Variants in GRIN3B observed in about 807,000 individuals in gnomAD.
GRIN3B encodes glutamate ionotropic receptor NMDA type subunit 3B.
A neutral mutation model predicts 66.0 loss-of-function variants in GRIN3B; 77 were observed. That is an observed-to-expected ratio of 1.17 (90% confidence interval 0.97 to 1.41). The LOEUF is 1.41. Among genes scored for constraint, GRIN3B ranks in the 40% most tolerant of loss-of-function variants. The pLI is 0.00. For missense variants in GRIN3B, 1,787 were observed against 1,564.5 expected (o/e 1.14, Z -2.40); for synonymous variants, 823 against 749.7 (o/e 1.10, Z -1.60).
chr19:1,008,870 C>G lies in GRIN3B; in HGVS notation c.2645C>G (p.Ala882Gly), dbSNP rs1339083576. Residue 882 changes from alanine (A) to glycine (G), a missense_variant, in exon 8 of 9, where the codon GCC becomes GGC. Coordinates refer to ENST00000234389, the MANE Select transcript of GRIN3B (RefSeq NM_138690.3). ...CTGGGGTCTTAGAAAATCCACCGCG[C>G]CCTCAACACGGAGCCACCAGAGGGG... Reference protein sequence around the residue: ...WLHTSQKIHRALNTEPPEGSK... With the variant: ...WLHTSQKIHRGLNTEPPEGSK... The G allele has an allele frequency of 6.2e-7, 1 of 1,610,248 alleles. No homozygotes were observed. The highest frequency in any genetic ancestry group is 2.2e-5 in the East Asian group (1 of 44,724).
At position 1,005,624 on chromosome 19, in the gene GRIN3B, C is replaced by A; in HGVS notation, c.2052+71C>A. On this transcript the variant is annotated intron_variant, in intron 3 of 8. Transcript: ENST00000234389. The surrounding 1 kb of genome is among the most constrained non-coding windows in gnomAD (Gnocchi z 5.2). ...TGGCCCCGGGCTGGGCTGTGTGGGG[C>A]AGGGGTGGTCAGCTGGACGTGGAGG... 2 of 1,244,934 alleles carry A rather than the reference C, an allele frequency of 1.6e-6. No homozygotes were observed. Among genetic ancestry groups the A allele is most frequent in the Non-Finnish European group, 2.2e-6 (2 of 912,762 alleles). 77.1% of individuals were successfully genotyped at this position (1,244,934 alleles called of 1,614,324 possible).
chr19:1,003,723 G>A lies in GRIN3B; in HGVS notation c.1019+1G>A, dbSNP rs1031769133. On this transcript the variant is annotated splice_donor_variant, in intron 2 of 8. Coordinates refer to ENST00000234389, the MANE Select transcript of GRIN3B (RefSeq NM_138690.3). LOFTEE classifies it high-confidence loss of function. ...AGTCCCCGGGGCGCTTCTTGGCACG[G>A]TGAGTGGGGACCCTGCTTCCCTTAG... The A allele has an allele frequency of 1.5e-5, 21 of 1,400,268 alleles. No individual in the cohort carries two copies. The African/African-American group carries it at 3.2e-4, about 21-fold the overall frequency. The allele number at this position is 1,400,268 out of a possible 1,614,324, so 86.7% of individuals were successfully genotyped here.
Position 1,007,894 on chromosome 19 carries a change from A to G in GRIN3B, c.2237A>G (p.Lys746Arg), listed in dbSNP as rs1229999834. The G allele has an allele frequency of 4.3e-6, 7 of 1,611,556 alleles. No homozygotes were observed. The highest frequency in any genetic ancestry group is 3.3e-5 in the Admixed American group (2 of 59,962). The change falls in exon 5 of 9, where the codon AAG becomes AGG. Residue 746 changes from lysine (K) to arginine (R), a missense_variant. By Grantham distance (26) the Lys-to-Arg change is conservative (BLOSUM62 2). Transcript: ENST00000234389. This position sits in a 1 kb window ranked among gnomAD's most constrained non-coding sequence, Gnocchi z 4.4. ...PPKLNAFIMD[K>R]SLLDYEVSID... ...AAGCTCAACGCCTTCATCATGGACA[A>G]GTCGCTCCTGGACTACGAGGTCTCC...
rs75206750 is a variant in GRIN3B at position 1,008,476 on chromosome 19, C to A, written c.2467-142C>A. 1,582 of 1,084,808 alleles carry A rather than the reference C, an allele frequency of 1.5e-3. 24 individuals are homozygous for A. The East Asian group carries it at 0.034, about 23-fold the overall frequency. 67.2% of individuals were successfully genotyped at this position (1,084,808 alleles called of 1,614,324 possible). On this transcript the variant is annotated intron_variant, in intron 6 of 8. Transcript: ENST00000234389. Reference sequence around the variant, plus strand: ...TTCCTCCATGAAACCTCACTCCCCCCAGCCATGGAGTCCCTGCCTCCCAAC... The same window carrying A: ...TTCCTCCATGAAACCTCACTCCCCCAAGCCATGGAGTCCCTGCCTCCCAAC...
Position 1,004,622 on chromosome 19 carries a change from G to T in GRIN3B, c.1121G>T (p.Arg374Leu), listed in dbSNP as rs760358935. ...MSRHFKVWSLRRDPRGAPAWA... is the reference protein window; with the variant it reads ...MSRHFKVWSLLRDPRGAPAWA... ...CGGCACTTTAAGGTGTGGAGCCTTC[G>T]CCGGGACCCACGGGGCGCCCCGGCC... is the stretch of plus-strand genomic sequence containing the variant. Residue 374 changes from arginine (R) to leucine (L), a missense_variant, in exon 3 of 9, where the codon CGC becomes CTC. Arg to Leu is a moderately radical substitution (Grantham distance 102). Transcript: ENST00000234389. 4 of 1,603,446 alleles carry T rather than the reference G, an allele frequency of 2.5e-6. No individual in the cohort carries two copies. In the South Asian group the frequency reaches 4.4e-5, roughly 18 times the overall value.
In GRIN3B at chr19:1,004,922, A is replaced by G. The variant is rs2038727790; in HGVS notation, c.1421A>G (p.Lys474Arg). The G allele has an allele frequency of 1.2e-6, 2 of 1,612,064 alleles. No individual in the cohort carries two copies. The highest frequency in any genetic ancestry group is 2.2e-5 in the East Asian group (1 of 44,872). Residue 474 changes from lysine to arginine, a missense_variant, in exon 3 of 9, where the codon AAG (lysine) becomes AGG (arginine). By Grantham distance (26) the Lys-to-Arg change is conservative (BLOSUM62 2). Coordinates refer to ENST00000234389, the MANE Select transcript of GRIN3B (RefSeq NM_138690.3). Reference sequence around the variant, plus strand: ...GGCTCAGCGCCCCGTGCCCTGCGCAAGTGCTGCTACGGCTACTGCATTGAC... The same window carrying G: ...GGCTCAGCGCCCCGTGCCCTGCGCAGGTGCTGCTACGGCTACTGCATTGAC... ...ANGSAPRALR[K>R]CCYGYCIDLL...
At position 1,003,498 on chromosome 19, in the gene GRIN3B, G is replaced by A. The variant is rs1210810205; in HGVS notation, c.795G>A (p.Pro265=). 64 of 1,535,272 alleles carry A rather than the reference G, an allele frequency of 4.2e-5. No homozygotes were observed. Among genetic ancestry groups the A allele is most frequent in the Non-Finnish European group, 5.1e-5 (59 of 1,145,760 alleles). ...ACTGGCTGTTGGGGACACCACTGCC[G>A]CCCAAGGCCCTGCCCACCGCGGGGC... ...GPHWLLGTPL[P]PKALPTAGLP... The change falls in exon 2 of 9, where the codon CCG becomes CCA. Residue 265 remains proline, a synonymous_variant. Transcript: ENST00000234389.
At chr19:1,001,012 G>A (rs2038679687) in intron 1 of GRIN3B, 149 bp downstream of exon 1, 13 of 928,684 alleles carry the variant, frequency 1.4e-5, no homozygotes, top group Admixed American at 4.3e-5. Context: ...AGGGATCAGG[G>A]ATGGGGAAGA....
rs2038775797 is a variant in GRIN3B at position 1,007,984 on chromosome 19, T to C, written c.2314+13T>C. ...TTCGCCATTGAGGGTGAGAGGCACC[T>C]GGGCGAGGCGGGGCGCCGGGGTCTC... is the stretch of plus-strand genomic sequence containing the variant. On this transcript the variant is annotated intron_variant, in intron 5 of 8. Coordinates refer to ENST00000234389, the MANE Select transcript of GRIN3B (RefSeq NM_138690.3). This position sits in a 1 kb window ranked among gnomAD's most constrained non-coding sequence, Gnocchi z 4.4. 2 of 1,609,392 alleles carry C rather than the reference T, an allele frequency of 1.2e-6. No individual in the cohort carries two copies. The highest frequency in any genetic ancestry group is 1.7e-6 in the Non-Finnish European group (2 of 1,177,332).
rs760495558 is a variant in GRIN3B at position 1,008,610 on chromosome 19, G to T, written c.2467-8G>T. The T allele has an allele frequency of 1.3e-6, 2 of 1,594,730 alleles. No individual in the cohort carries two copies. The highest frequency in any genetic ancestry group is 1.7e-6 in the Non-Finnish European group (2 of 1,176,442). On this transcript the variant is annotated splice_region_variant and splice_polypyrimidine_tract_variant and intron_variant, in intron 6 of 8. Coordinates refer to ENST00000234389, the MANE Select transcript of GRIN3B (RefSeq NM_138690.3). ...GACCGTGCGGGGCTCCTGCTGTGTTGCCCCCAGACCCTGCAGATGAGCATC... is the reference window on the plus strand; with the variant it reads ...GACCGTGCGGGGCTCCTGCTGTGTTTCCCCCAGACCCTGCAGATGAGCATC...
At position 1,007,551 on chromosome 19, in the gene GRIN3B, C is replaced by T. The variant is rs2038764053; in HGVS notation, c.2053-77C>T. The T allele has an allele frequency of 3.0e-6, 4 of 1,351,258 alleles. No individual in the cohort carries two copies. Among genetic ancestry groups the T allele is most frequent in the Admixed American group, 3.7e-5 (1 of 26,692 alleles). 83.7% of individuals were successfully genotyped at this position (1,351,258 alleles called of 1,614,324 possible). ...CCTGCAGTGCCCAGGACGGCCCCAC[C>T]CCGGAGAACGGCGCGCCCCTCAATG... On this transcript the variant is annotated intron_variant, in intron 3 of 8. Coordinates refer to ENST00000234389, the MANE Select transcript of GRIN3B (RefSeq NM_138690.3). The surrounding 1 kb of genome is among the most constrained non-coding windows in gnomAD (Gnocchi z 4.4).
Position 1,009,395 on chromosome 19 carries a change from G to A in GRIN3B, c.2925G>A (p.Thr975=), listed in dbSNP as rs2038816934. 7.1e-7 allele frequency: 1 copy of A among 1,412,488 alleles called. No individual in the cohort carries two copies. Among genetic ancestry groups the A allele is most frequent in the Non-Finnish European group, 9.2e-7 (1 of 1,089,606 alleles). 87.5% of individuals were successfully genotyped at this position (1,412,488 alleles called of 1,614,324 possible). Residue 975 remains threonine (T), a synonymous_variant, in exon 9 of 9, where the codon ACG becomes ACA. Coordinates refer to ENST00000234389, the MANE Select transcript of GRIN3B (RefSeq NM_138690.3). Reference sequence around the variant, plus strand: ...GCCGCCCGCCCGCCGCAAGGCCCACGGGGGCCCCCCAGCCCGGGGAGCTGC... The same window carrying A: ...GCCGCCCGCCCGCCGCAAGGCCCACAGGGGCCCCCCAGCCCGGGGAGCTGC... ...SYGRPPAARP[T]GAPQPGELQE...
In GRIN3B at chr19:1,003,549, C is replaced by T. The variant is rs763587394; in HGVS notation, c.846C>T (p.Gly282=). The change falls in exon 2 of 9, where the codon GGC becomes GGT. Residue 282 remains glycine, a synonymous_variant. Coordinates refer to ENST00000234389, the MANE Select transcript of GRIN3B (RefSeq NM_138690.3). The part of the protein sequence containing the change: ...AGLPPGLLAL[G]EVARPPLEAA... ...TGCCACCAGGGCTGCTGGCGCTGGGCGAGGTGGCACGACCCCCGCTGGAGG... is the reference window on the plus strand; with the variant it reads ...TGCCACCAGGGCTGCTGGCGCTGGGTGAGGTGGCACGACCCCCGCTGGAGG... The T allele has an allele frequency of 1.2e-5, 18 of 1,516,498 alleles. No individual in the cohort carries two copies. The highest frequency in any genetic ancestry group is 1.7e-4 in the Middle Eastern group (1 of 5,816). 93.9% of individuals were successfully genotyped at this position (1,516,498 alleles called of 1,614,324 possible).
intron 2 of GRIN3B, 86 bp downstream of exon 2, chr19:1,003,808 C>T (rs183451858): frequency 1.6e-5 from 17 of 1,083,898 alleles, no homozygotes; most frequent in Admixed American, 7.6e-5. Context: ...AACGTGAGGC[C>T]AGACGCGGTG....
At position 1,000,786 on chromosome 19, in the gene GRIN3B, C is replaced by A; in HGVS notation, c.349C>A (p.His117Asn). The change falls in exon 1 of 9, where the codon CAC becomes AAC. Residue 117 changes from histidine to asparagine, a missense_variant. Physicochemically the swap from His to Asn is moderately conservative, Grantham distance 68. Transcript: ENST00000234389. Reference sequence around the variant, plus strand: ...GGCTCGGCCCGAGCTGCTGCAGCTGCACTTCCTGGCGGCGGCCACCGAGAC... The same window carrying A: ...GGCTCGGCCCGAGCTGCTGCAGCTGAACTTCCTGGCGGCGGCCACCGAGAC... ...PEARPELLQL[H>N]FLAAATETPV... The A allele has an allele frequency of 7.0e-7, 1 of 1,436,114 alleles. No homozygotes were observed. The highest frequency in any genetic ancestry group is 1.3e-5 in the South Asian group (1 of 74,396). The allele number at this position is 1,436,114 out of a possible 1,614,324, so 89.0% of individuals were successfully genotyped here.
At chr19:1,004,321 A>AGCCACGGCATCGGGCACGGAT (rs2038715838) in intron 2 of GRIN3B, among the ~76,000 whole-genome samples, 200 bp from the exon 3 acceptor site, 1 of 152,216 alleles carries the variant, frequency 6.6e-6, no homozygotes, top group Admixed American at 6.5e-5. Context: ...GTGGGGGCAC[A>AGCCACGGCATCGGGCACGGAT]GCCACGGCAT....
rs775501928 is a variant in GRIN3B, at chr19:1,007,729, G to C, written c.2154G>C (p.Arg718=). Residue 718 remains arginine, a synonymous_variant, in exon 4 of 9, where the codon CGG becomes CGC. Transcript: ENST00000234389. The surrounding 1 kb of genome is among the most constrained non-coding windows in gnomAD (Gnocchi z 4.4). ...TCCCCGACATGCACGCACACATGCG[G>C]CGCCACAGCGCGCCCACCACGCCCC... is the stretch of plus-strand genomic sequence containing the variant. ...KSFPDMHAHM[R]RHSAPTTPRG... 4 of 1,527,130 alleles carry C rather than the reference G, an allele frequency of 2.6e-6. No individual in the cohort carries two copies. In the African/African-American group the frequency reaches 5.7e-5, roughly 22 times the overall value. The allele number at this position is 1,527,130 out of a possible 1,614,324, so 94.6% of individuals were successfully genotyped here.
At position 1,005,434 on chromosome 19, in the gene GRIN3B, CT is replaced by C; in HGVS notation, c.1934del (p.Leu645ProfsTer2). ...GCCCAAGTGCCCCACGGGCCGCCTG[CT>C]CATGAACCTCTGGGCCATCTTCTGC... is the stretch of plus-strand genomic sequence containing the variant. ...KTPKCPTGRL[L>X]MNLWAIFCLL... On this transcript the variant is annotated frameshift_variant, in exon 3 of 9. Coordinates refer to ENST00000234389, the MANE Select transcript of GRIN3B (RefSeq NM_138690.3). LOFTEE classifies it high-confidence loss of function. This position sits in a 1 kb window ranked among gnomAD's most constrained non-coding sequence, Gnocchi z 5.2. 2 of 1,613,650 alleles carry C rather than the reference CT, an allele frequency of 1.2e-6. No homozygotes were observed. Among genetic ancestry groups the C allele is most frequent in the Non-Finnish European group, 1.7e-6 (2 of 1,180,000 alleles).
Position 1,005,618 on chromosome 19 carries a change from G to A in GRIN3B, c.2052+65G>A. The A allele has an allele frequency of 2.2e-6, 3 of 1,333,450 alleles. No individual in the cohort carries two copies. The South Asian group carries it at 4.4e-5, about 19-fold the overall frequency. The allele number at this position is 1,333,450 out of a possible 1,614,324, so 82.6% of individuals were successfully genotyped here. ...TAGCGGTGGCCCCGGGCTGGGCTGT[G>A]TGGGGCAGGGGTGGTCAGCTGGACG... is the stretch of plus-strand genomic sequence containing the variant. On this transcript the variant is annotated intron_variant, in intron 3 of 8. Transcript: ENST00000234389. The surrounding 1 kb of genome is among the most constrained non-coding windows in gnomAD (Gnocchi z 5.2).
Sources: allele counts gnomAD v4.1 joint callset (sites outside exome capture counted in the v4.1 genomes callset), GRCh38; gene constraint gnomAD v4.1.1; non-coding constraint Gnocchi (gnomAD v3.1); transcripts MANE v1.5; gene names NCBI Gene and HGNC (gene_info 2026-07-23, HGNC 2026-07-21).